ING3: variants seen among roughly 807,000 people sequenced by gnomAD.
The protein encoded by ING3 is inhibitor of growth protein 3.
Under a neutral mutation model 64.8 loss-of-function variants are expected in ING3, and 6 were observed. The observed-to-expected ratio is 0.09, with a 90% CI of 0.05 to 0.18. The LOEUF is 0.18. ING3 is among the 10% of genes least tolerant of loss of function. The pLI, the probability that ING3 is intolerant of heterozygous loss-of-function variation, is 1.00. For synonymous variants in ING3, 170 were observed against 173.7 expected, an observed-to-expected ratio of 0.98 and a Z score of 0.17; for missense variants, 310 against 489.7, an observed-to-expected ratio of 0.63 and a Z score of 3.46.
intron 2 of ING3, 122 bp downstream of exon 2, chr7:120,951,357 G>T (rs1485425592): frequency 1.1e-6 from 1 of 886,780 alleles, no homozygotes; most frequent in African/African-American, 1.7e-5. Context: ...AGTGCATAAG[G>T]AGTTGTCAAA....
chr7:120,963,062 T>G (rs941082767), intron 4 of ING3, among the ~76,000 whole-genome samples: 15 of 152,242 alleles, frequency 9.9e-5, no homozygotes, highest in African/African-American at 3.6e-4. Context: ...TTCGTTGCAT[T>G]AGTGGTCTTG....
In ING3 at chr7:120,974,855, T is replaced by C. The variant is rs372830628; in HGVS notation, c.*11T>C. 3 of 1,557,612 alleles carry C rather than the reference T, an allele frequency of 1.9e-6. No individual in the cohort carries two copies. Among genetic ancestry groups the C allele is most frequent in the Non-Finnish European group, 2.6e-6 (3 of 1,136,782 alleles). Reference sequence around the variant, plus strand: ...AGCAGACACAAATAAAGGTGGTCCTTTTGTTTGATGAAGAAATAAACTTCA... The same window carrying C: ...AGCAGACACAAATAAAGGTGGTCCTCTTGTTTGATGAAGAAATAAACTTCA... On this transcript the variant is annotated 3_prime_UTR_variant, in exon 12 of 12. Coordinates refer to ENST00000315870, the MANE Select transcript of ING3 (RefSeq NM_019071.3).
chr7:120,963,317 G>T (rs1448746278), intron 4 of ING3, among the ~76,000 whole-genome samples: 2 of 151,948 alleles, frequency 1.3e-5, no homozygotes, highest in Admixed American at 1.3e-4. Flanking sequence ...AAGGAAAACT[G>T]GCTTTCAGTT....
chr7:120,964,973 C>G, intron 5 of ING3, 135 bp downstream of exon 5: 1 of 640,764 alleles, frequency 1.6e-6, no homozygotes, highest in East Asian at 2.7e-5. Context: ...AGCTTGGACC[C>G]TAACAGTTGG....
chr7:120,958,931 A>T (rs916463723), intron 4 of ING3, among the ~76,000 whole-genome samples: 8 of 152,150 alleles, frequency 5.3e-5, no homozygotes, highest in African/African-American at 1.9e-4. Flanking sequence ...TCTATTTACT[A>T]ATCCTCTATA....
rs566908569 is a variant in ING3, at chr7:120,974,311, A to G, written c.1141-417A>G. Among the ~76,000 whole-genome samples, 3 of 152,348 alleles carry G rather than the reference A, an allele frequency of 2.0e-5. No individual in the cohort carries two copies. The South Asian group carries it at 6.2e-4, about 32-fold the overall frequency. On this transcript the variant is annotated intron_variant, in intron 11 of 11. Coordinates refer to ENST00000315870, the MANE Select transcript of ING3 (RefSeq NM_019071.3). ...GTAGGAAATGCAGGGCATAAGACATAAATTAATGTCTTTAATTACAATCAG... is the reference window on the plus strand; with the variant it reads ...GTAGGAAATGCAGGGCATAAGACATGAATTAATGTCTTTAATTACAATCAG...
At chr7:120,967,177 A>C (rs1216915615) in intron 6 of ING3, among the ~76,000 whole-genome samples, 1 of 152,244 alleles carries the variant, frequency 6.6e-6, no homozygotes, top group African/African-American at 2.4e-5. Context: ...GTAACAGTCA[A>C]AAAATGACTA....
rs920495597 is a variant in ING3 at position 120,956,916 on chromosome 7, C to T, written c.267+1292C>T. 107 of 618,074 alleles carry T rather than the reference C, an allele frequency of 1.7e-4. No individual in the cohort carries two copies. The Middle Eastern group carries it at 2.4e-3, about 14-fold the overall frequency. The allele number at this position is 618,074 out of a possible 1,614,324, so 38.3% of individuals were successfully genotyped here. Reference sequence around the variant, plus strand: ...TTTTGTTGTTTTATTGCTTGTTAGACCTTTACTAAAGATATTTTGTGTATT... The same window carrying T: ...TTTTGTTGTTTTATTGCTTGTTAGATCTTTACTAAAGATATTTTGTGTATT... On this transcript the variant is annotated intron_variant, in intron 4 of 11. Transcript: ENST00000315870.
chr7:120,972,027 T>C (rs1414435388), intron 10 of ING3, among the ~76,000 whole-genome samples: 1 of 152,176 alleles, frequency 6.6e-6, no homozygotes, highest in Non-Finnish European at 1.5e-5. Flanking sequence ...TTTTTTACAT[T>C]ATGAATCGAC....
chr7:120,976,688 C>CTTA lies in ING3; in HGVS notation c.*1846_*1848dup, dbSNP rs1796139368. ...TATAGAAATGGTCAAAGGAAAAAGCCTTATGTACAGCCTTATTTGAAGAGA... is the reference window on the plus strand; with the variant it reads ...TATAGAAATGGTCAAAGGAAAAAGCCTTATTATGTACAGCCTTATTTGAAGAGA... On this transcript the variant is annotated 3_prime_UTR_variant, in exon 12 of 12. Coordinates refer to ENST00000315870, the MANE Select transcript of ING3 (RefSeq NM_019071.3). 1 of 152,152 alleles carries CTTA rather than the reference C, an allele frequency of 6.6e-6. No homozygotes were observed. Among genetic ancestry groups the CTTA allele is most frequent in the South Asian group, 2.1e-4 (1 of 4,836 alleles). 9.4% of individuals were successfully genotyped at this position (152,152 alleles called of 1,614,324 possible).
chr7:120,961,921 T>C (rs1186266650), intron 4 of ING3, among the ~76,000 whole-genome samples: 1 of 152,204 alleles, frequency 6.6e-6, no homozygotes, highest in Admixed American at 6.5e-5. Context: ...CTCAATTGGA[T>C]CAGTACCCTC....
intron 4 of ING3, among the ~76,000 whole-genome samples, chr7:120,960,017 G>A (rs1274009633): frequency 6.6e-6 from 1 of 152,188 alleles, no homozygotes; most frequent in African/African-American, 2.4e-5. Flanking sequence ...TGTAGAAAGA[G>A]AGGAAGGGGG....
chr7:120,970,768 C>T lies in ING3; in HGVS notation c.989C>T (p.Thr330Ile). The T allele has an allele frequency of 6.2e-7, 1 of 1,613,608 alleles. No homozygotes were observed. The highest frequency in any genetic ancestry group is 1.1e-5 in the South Asian group (1 of 91,072). Reference sequence around the variant, plus strand: ...TTATCATCGTGTTCTTCATCATCAACTGTTGTACAAGAAATCTCTCAACAA... The same window carrying T: ...TTATCATCGTGTTCTTCATCATCAATTGTTGTACAAGAAATCTCTCAACAA... ...SSLSSCSSSS[T>I]VVQEISQQTT... Residue 330 changes from threonine (T) to isoleucine (I), a missense_variant, in exon 10 of 12, where the codon ACT becomes ATT. Physicochemically the swap from Thr to Ile is moderately conservative, Grantham distance 89. Transcript: ENST00000315870.
At chr7:120,970,971 T>TAA in intron 10 of ING3, 91 bp downstream of exon 10, 1 of 1,252,814 alleles carries the variant, frequency 8.0e-7, no homozygotes, top group Non-Finnish European at 1.1e-6. Flanking sequence ...TAAACTCACT[T>TAA]AAAATACCTT....
intron 4 of ING3, among the ~76,000 whole-genome samples, chr7:120,964,347 C>T (rs979609023): frequency 2.0e-5 from 3 of 152,070 alleles, no homozygotes; most frequent in Non-Finnish European, 4.4e-5. Context: ...GGATGATGGC[C>T]TTATAAGCAG....
chr7:120,969,091 A>G lies in ING3; in HGVS notation c.795A>G (p.Glu265=), dbSNP rs141452615. ...FKNNDFQLGK[E]FSMARETVGY... ...ATAATGACTTTCAGTTGGGAAAAGA[A>G]TTTTCAATGGCCAGGGAAACAGTTG... The change falls in exon 9 of 12, where the codon GAA becomes GAG. Residue 265 remains glutamate, a synonymous_variant. Transcript: ENST00000315870. 6.2e-7 allele frequency: 1 copy of G among 1,614,096 alleles called. No individual in the cohort carries two copies. Among genetic ancestry groups the G allele is most frequent in the Non-Finnish European group, 8.5e-7 (1 of 1,179,960 alleles).
At chr7:120,961,685 G>T (rs1041539209) in intron 4 of ING3, among the ~76,000 whole-genome samples, 1 of 152,198 alleles carries the variant, frequency 6.6e-6, no homozygotes, top group African/African-American at 2.4e-5. Context: ...TCATGAGTGT[G>T]TTAACAAGTA....
At chr7:120,961,488 A>T (rs961685636) in intron 4 of ING3, among the ~76,000 whole-genome samples, 4 of 152,176 alleles carry the variant, frequency 2.6e-5, no homozygotes, top group African/African-American at 9.7e-5. Flanking sequence ...TCATGTAGAG[A>T]CTTTAAAAAA....
At chr7:120,972,163 T>A (rs1796078247) in intron 10 of ING3, among the ~76,000 whole-genome samples, 1 of 152,164 alleles carries the variant, frequency 6.6e-6, no homozygotes. Context: ...AATTTTTTTT[T>A]ATGAAGCAAG....
Sources: allele counts gnomAD v4.1 joint callset (sites outside exome capture counted in the v4.1 genomes callset), GRCh38; gene constraint gnomAD v4.1.1; transcripts MANE v1.5; gene names NCBI Gene and HGNC (gene_info 2026-07-23, HGNC 2026-07-21).